Variants in EMILIN2 observed in about 807,000 individuals in gnomAD.
EMILIN2 encodes elastin microfibril interfacer 2.
In EMILIN2, 71 loss-of-function variants were observed where a neutral mutation model predicts 87.1. The ratio of observed to expected loss-of-function variants is 0.82; its 90% CI spans 0.67 to 0.99. The LOEUF (loss-of-function observed/expected upper bound fraction) is 0.99, where lower values mean the gene tolerates loss of function less well. EMILIN2 is among the 50% of genes least tolerant of loss of function. The probability of loss-of-function intolerance (pLI) is 0.00; values close to 1 mark genes in which losing one functional copy is unlikely to be tolerated. For missense variants in EMILIN2, 1,407 were observed against 1,371.8 expected (o/e 1.03, Z -0.40); for synonymous variants, 581 against 563.4 (o/e 1.03, Z -0.44).
At chr18:2,873,271 A>G (rs1197339817) in intron 2 of EMILIN2, among the ~76,000 whole-genome samples, 1 of 151,888 alleles carries the variant, frequency 6.6e-6, no homozygotes, top group Non-Finnish European at 1.5e-5. Flanking sequence ...TTACCCAGAC[A>G]TGGTGGCACA....
At chr18:2,896,322 T>C (rs680862) in intron 4 of EMILIN2, among the ~76,000 whole-genome samples, 31,654 of 151,852 alleles carry the variant, frequency 0.21, 3,403 homozygotes, top group Middle Eastern at 0.33. Context: ...ATTACAGGTG[T>C]CTGCCACCAC....
At chr18:2,873,176 C>T (rs936961880) in intron 2 of EMILIN2, among the ~76,000 whole-genome samples, 1 of 152,024 alleles carries the variant, frequency 6.6e-6, no homozygotes, top group East Asian at 1.9e-4. Flanking sequence ...TTTGGGAGGC[C>T]GAGGCAGGTG....
intron 6 of EMILIN2, 80 bp downstream of exon 6, chr18:2,909,055 T>G: frequency 1.3e-6 from 2 of 1,530,722 alleles, no homozygotes; most frequent in Non-Finnish European, 1.8e-6. Flanking sequence ...TCCTGCCTCC[T>G]CCCTCCAGGC....
chr18:2,906,285 C>A (rs1325289462), intron 4 of EMILIN2: 4 of 152,764 alleles, frequency 2.6e-5, no homozygotes, highest in Non-Finnish European at 4.4e-5. Context: ...GCTGTGGCCG[C>A]GGCCCTCGTG....
intron 3 of EMILIN2, among the ~76,000 whole-genome samples, chr18:2,886,634 C>T (rs1290556387): frequency 1.3e-5 from 2 of 152,156 alleles, no homozygotes; most frequent in Non-Finnish European, 2.9e-5. Context: ...TTTATTTACT[C>T]AGTATTCAGT....
In EMILIN2 at chr18:2,868,449, G is replaced by A. The variant is rs556053855; in HGVS notation, c.258-16515G>A. Among the ~76,000 whole-genome samples, 613 of 152,378 alleles carry A rather than the reference G, an allele frequency of 4.0e-3. 5 individuals carry two copies. The highest frequency in any genetic ancestry group is 0.014 in the African/African-American group (566 of 41,598). ...GCTCTTTGGGAGGCCAAGGCAGGCG[G>A]CTGGGAGGTGGTTGCAGCCAGCCAA... On this transcript the variant is annotated intron_variant, in intron 2 of 7. Transcript: ENST00000254528.
intron 7 of EMILIN2, among the ~76,000 whole-genome samples, 157 bp from the exon 8 acceptor site, chr18:2,912,910 G>A (rs113467621): frequency 2.0e-5 from 3 of 152,342 alleles, no homozygotes; most frequent in African/African-American, 7.2e-5. Context: ...TGTAGGGGAT[G>A]AGCATAAAAA....
Position 2,912,300 on chromosome 18 carries a change from C to T in EMILIN2, c.2825-767C>T, listed in dbSNP as rs147570917. On this transcript the variant is annotated intron_variant, in intron 7 of 7. Transcript: ENST00000254528. ...AGGTGATCTGCCCACCTTGGCCTCC[C>T]AAAGTGCTGGGATTACAGGCGTGAG... is the stretch of plus-strand genomic sequence containing the variant. 1.6e-3 allele frequency among the ~76,000 whole-genome samples: 240 copies of T among 152,196 alleles called. 1 individual carries two copies. The highest frequency in any genetic ancestry group is 5.3e-3 in the African/African-American group (219 of 41,518).
intron 2 of EMILIN2, among the ~76,000 whole-genome samples, chr18:2,883,625 C>G (rs1175007533): frequency 6.6e-6 from 1 of 152,180 alleles, no homozygotes; most frequent in Non-Finnish European, 1.5e-5. Flanking sequence ...CTGGTGAGCC[C>G]GGGACTGCAG....
chr18:2,847,229 G>T lies in EMILIN2; in HGVS notation c.41G>T (p.Arg14Leu). Reference protein sequence around the residue: ...PRRPWPRVPWRWALALLALVG... With the variant: ...PRRPWPRVPWLWALALLALVG... ...CGGCCCTGGCCCCGCGTGCCCTGGC[G>T]CTGGGCGCTGGCGCTGCTGGCCCTG... Residue 14 changes from arginine (R) to leucine (L), a missense_variant, in exon 1 of 8, where the codon CGC becomes CTC. Arg to Leu is a moderately radical substitution (Grantham distance 102). Transcript: ENST00000254528. This position sits in a 1 kb window ranked among gnomAD's most constrained non-coding sequence, Gnocchi z 4.5. The T allele has an allele frequency of 7.9e-7, 1 of 1,259,034 alleles. No individual in the cohort carries two copies. Among genetic ancestry groups the T allele is most frequent in the Non-Finnish European group, 1.0e-6 (1 of 1,003,456 alleles). The allele number at this position is 1,259,034 out of a possible 1,614,324, so 78.0% of individuals were successfully genotyped here.
intron 5 of EMILIN2, among the ~76,000 whole-genome samples, chr18:2,908,334 C>G (rs879547522): frequency 6.6e-6 from 1 of 152,186 alleles, no homozygotes; most frequent in African/African-American, 2.4e-5. Flanking sequence ...ATCCACCCAT[C>G]GATACATCCA....
chr18:2,865,796 C>T (rs573950685), intron 2 of EMILIN2, among the ~76,000 whole-genome samples: 23 of 152,350 alleles, frequency 1.5e-4, no homozygotes, highest in African/African-American at 5.3e-4. Context: ...TGGCTATGCC[C>T]TGCCCCCAGA....
intron 2 of EMILIN2, among the ~76,000 whole-genome samples, chr18:2,851,202 C>G (rs141871310): frequency 4.0e-5 from 6 of 151,384 alleles, no homozygotes; most frequent in South Asian, 4.2e-4. Flanking sequence ...TTTTGGGAGG[C>G]TGAGGCGGGA....
At chr18:2,889,245 T>C (rs1185444557) in intron 3 of EMILIN2, among the ~76,000 whole-genome samples, 20 of 151,014 alleles carry the variant, frequency 1.3e-4, no homozygotes, top group Non-Finnish European at 2.7e-4. Flanking sequence ...TCAAGCGATT[T>C]TTCTGTCTCA....
intron 2 of EMILIN2, among the ~76,000 whole-genome samples, chr18:2,868,765 C>T (rs570526038): frequency 6.6e-6 from 1 of 151,970 alleles, no homozygotes; most frequent in Admixed American, 6.6e-5. Context: ...AGCTTCGGCT[C>T]GGCATCAGAC....
rs1410633585 is a variant in EMILIN2 at position 2,891,133 on chromosome 18, A to G, written c.1006A>G (p.Lys336Glu). 6.2e-7 allele frequency: 1 copy of G among 1,614,078 alleles called. No individual in the cohort carries two copies. The highest frequency in any genetic ancestry group is 8.5e-7 in the Non-Finnish European group (1 of 1,180,042). ...GGAGCTCATGGAGGGCATGGACAGA[A>G]AGCTGGCTGACCTGAAAAACTCATG... Reference protein sequence around the residue: ...REELMEGMDRKLADLKNSCEY... With the variant: ...REELMEGMDRELADLKNSCEY... Residue 336 changes from lysine to glutamate, a missense_variant, in exon 4 of 8, where the codon AAG (lysine) becomes GAG (glutamate). Transcript: ENST00000254528. The surrounding 1 kb of genome is among the most constrained non-coding windows in gnomAD (Gnocchi z 4.6).
At chr18:2,907,481 T>C (rs1329320260) in intron 5 of EMILIN2, among the ~76,000 whole-genome samples, 2 of 152,190 alleles carry the variant, frequency 1.3e-5, no homozygotes, top group Non-Finnish European at 2.9e-5. Context: ...CTTCGGGACT[T>C]GGGGCAGCTT....
chr18:2,904,150 C>T (rs2076899784), intron 4 of EMILIN2, among the ~76,000 whole-genome samples: 1 of 152,180 alleles, frequency 6.6e-6, no homozygotes, highest in Non-Finnish European at 1.5e-5. Flanking sequence ...TGACATTGTT[C>T]CCTTCTCTTC....
At chr18:2,857,045 G>A (rs138866351) in intron 2 of EMILIN2, among the ~76,000 whole-genome samples, 1,527 of 152,268 alleles carry the variant, frequency 0.01, 24 homozygotes, top group African/African-American at 0.034. Context: ...AAAAGCAAAC[G>A]TTTCTGGGTG....
Sources: allele counts gnomAD v4.1 joint callset (sites outside exome capture counted in the v4.1 genomes callset), GRCh38; gene constraint gnomAD v4.1.1; non-coding constraint Gnocchi (gnomAD v3.1); transcripts MANE v1.5; gene names NCBI Gene and HGNC (gene_info 2026-07-23, HGNC 2026-07-21).